Variants in MTHFD2L observed in about 807,000 individuals in gnomAD.
MTHFD2L encodes bifunctional methylenetetrahydrofolate dehydrogenase/cyclohydrolase 2, mitochondrial.
MTHFD2L carries 29 observed loss-of-function variants against 34.9 expected under a neutral mutation model. The ratio of observed to expected loss-of-function variants is 0.83; its 90% CI spans 0.62 to 1.13. The LOEUF (loss-of-function observed/expected upper bound fraction) is 1.13, where lower values mean the gene tolerates loss of function less well. MTHFD2L is among the 50% of genes most tolerant of loss of function. The probability of loss-of-function intolerance (pLI) is 0.00; values close to 1 mark genes in which losing one functional copy is unlikely to be tolerated. For missense variants in MTHFD2L, 481 were observed against 446.5 expected, an observed-to-expected ratio of 1.08 and a Z score of -0.70; for synonymous variants, 167 against 155.7, an observed-to-expected ratio of 1.07 and a Z score of -0.54.
chr4:74,176,892 C>G (rs1729155964), intron 3 of MTHFD2L, among the ~76,000 whole-genome samples: 1 of 151,850 alleles, frequency 6.6e-6, no homozygotes, highest in South Asian at 2.1e-4. Context: ...TATATGGGAT[C>G]TTTATGTGGT....
intron 6 of MTHFD2L, among the ~76,000 whole-genome samples, chr4:74,254,417 G>T (rs138234313): frequency 8.5e-5 from 13 of 152,234 alleles, no homozygotes; most frequent in Admixed American, 5.9e-4. Context: ...AAGAGAACCC[G>T]CATAAGATTT....
intron 1 of MTHFD2L, among the ~76,000 whole-genome samples, chr4:74,145,026 A>G (rs1723505517): frequency 6.6e-6 from 1 of 152,196 alleles, no homozygotes; most frequent in Non-Finnish European, 1.5e-5. Context: ...TAAGAAAGTC[A>G]AAACTTTAAA....
At chr4:74,287,331 A>T (rs959465486) in intron 7 of MTHFD2L, among the ~76,000 whole-genome samples, 2 of 152,154 alleles carry the variant, frequency 1.3e-5, no homozygotes, top group Admixed American at 6.5e-5. Context: ...ATGTATCATT[A>T]TTTGGTTCAT....
intron 6 of MTHFD2L, among the ~76,000 whole-genome samples, chr4:74,239,570 C>T (rs983550087): frequency 6.0e-5 from 9 of 151,086 alleles, no homozygotes; most frequent in African/African-American, 2.2e-4. Context: ...TTCATAATTG[C>T]TCATTTTAAA....
At chr4:74,202,885 T>G (rs1363077055) in intron 5 of MTHFD2L, among the ~76,000 whole-genome samples, 1 of 152,126 alleles carries the variant, frequency 6.6e-6, no homozygotes, top group Non-Finnish European at 1.5e-5. Context: ...CATGCACACA[T>G]GCATGCACAC....
chr4:74,148,452 G>A (rs1179226422), intron 1 of MTHFD2L, among the ~76,000 whole-genome samples: 1 of 150,748 alleles, frequency 6.6e-6, no homozygotes, highest in African/African-American at 2.4e-5. Flanking sequence ...CAGTGGCGTG[G>A]TTTCTGCTTA....
chr4:74,262,229 A>C (rs1277134629), intron 6 of MTHFD2L, among the ~76,000 whole-genome samples: 1 of 151,990 alleles, frequency 6.6e-6, no homozygotes, highest in East Asian at 1.9e-4. Context: ...CCATACATAC[A>C]AATATATTTC....
intron 5 of MTHFD2L, among the ~76,000 whole-genome samples, chr4:74,210,575 T>G (rs1238066881): frequency 6.6e-6 from 1 of 152,214 alleles, no homozygotes; most frequent in Admixed American, 6.5e-5. Flanking sequence ...ACCAGTACCA[T>G]GCTGTTTTTA....
chr4:74,201,251 CTG>C lies in MTHFD2L; in HGVS notation c.605-10_605-9del, dbSNP rs749906580. Reference sequence around the variant, plus strand: ...GTCAATTCTGCATTTAAACCGAACTCTGTATTTTAAGGAATTCAAACATTTGG... The same window carrying C: ...GTCAATTCTGCATTTAAACCGAACTCTATTTTAAGGAATTCAAACATTTGG... On this transcript the variant is annotated splice_polypyrimidine_tract_variant and intron_variant, in intron 4 of 7. Transcript: ENST00000325278. 5 of 1,605,466 alleles carry C rather than the reference CTG, an allele frequency of 3.1e-6. No homozygotes were observed. In the Admixed American group the frequency reaches 5.0e-5, roughly 16 times the overall value.
chr4:74,180,159 A>G (rs1450599555), intron 3 of MTHFD2L, among the ~76,000 whole-genome samples: 1 of 152,134 alleles, frequency 6.6e-6, no homozygotes, highest in Non-Finnish European at 1.5e-5. Flanking sequence ...ATGAAACTCA[A>G]CTGATAGGGT....
In MTHFD2L at chr4:74,186,438, GAAAA is replaced by G. The variant is rs59325238; in HGVS notation, c.451+11053_451+11056del. 7.4e-3 allele frequency among the ~76,000 whole-genome samples: 649 copies of G among 88,216 alleles called. 9 individuals carry two copies. Among genetic ancestry groups the G allele is most frequent in the African/African-American group, 0.028 (627 of 22,766 alleles). 57.9% of individuals were successfully genotyped at this position (88,216 alleles called of 152,430 possible). A position where few individuals can be genotyped will look rare whatever the true frequency, so the allele number is the denominator to read the frequency against. On this transcript the variant is annotated intron_variant, in intron 3 of 7. Coordinates refer to ENST00000325278, the MANE Select transcript of MTHFD2L (RefSeq NM_001144978.3). ...CCATGGAAAATTCAAGGGAATCCATGAAAAAAAAAAAAAAAAAAAAACAGCTACT... is the reference window on the plus strand; with the variant it reads ...CCATGGAAAATTCAAGGGAATCCATGAAAAAAAAAAAAAAAAACAGCTACT...
intron 3 of MTHFD2L, chr4:74,195,095 A>G (rs1303431329): frequency 6.6e-6 from 1 of 152,232 alleles, no homozygotes; most frequent in African/African-American, 2.4e-5. Flanking sequence ...AGGCAGATAG[A>G]AAGCTATAGC....
At chr4:74,228,302 C>T (rs1165118428) in intron 6 of MTHFD2L, among the ~76,000 whole-genome samples, 3 of 152,174 alleles carry the variant, frequency 2.0e-5, no homozygotes, top group Non-Finnish European at 4.4e-5. Flanking sequence ...CTTCTGTTCA[C>T]ACACAAGACA....
intron 7 of MTHFD2L, chr4:74,293,583 T>A (rs1214708154): frequency 3.2e-6 from 3 of 935,710 alleles, no homozygotes; most frequent in East Asian, 2.3e-4. Flanking sequence ...ATATAGTAAA[T>A]TCCCTCCGGA....
intron 1 of MTHFD2L, among the ~76,000 whole-genome samples, chr4:74,136,529 A>G (rs1185598881): frequency 6.6e-6 from 1 of 152,138 alleles, no homozygotes; most frequent in African/African-American, 2.4e-5. Flanking sequence ...AAGACTTAAT[A>G]TTGTTAATAT....
At chr4:74,289,917 T>C (rs1049638774) in intron 7 of MTHFD2L, among the ~76,000 whole-genome samples, 5 of 152,076 alleles carry the variant, frequency 3.3e-5, no homozygotes, top group African/African-American at 1.2e-4. Context: ...TTAGGGTAGA[T>C]AATGGGCAAA....
chr4:74,217,434 G>T (rs990784452), intron 5 of MTHFD2L, among the ~76,000 whole-genome samples: 1 of 151,832 alleles, frequency 6.6e-6, no homozygotes, highest in Non-Finnish European at 1.5e-5. Flanking sequence ...GTCTAAAAGA[G>T]ATCTCAGGCT....
At chr4:74,234,796 AGTGTGTGTGT>A (rs139133412) in intron 6 of MTHFD2L, among the ~76,000 whole-genome samples, 1 of 149,418 alleles carries the variant, frequency 6.7e-6, no homozygotes, top group Non-Finnish European at 1.5e-5. Context: ...AAAAGGAGAC[AGTGTGTGTGT>A]GTGTGTGTGT....
chr4:74,179,526 ATAT>A (rs1729693139), intron 3 of MTHFD2L, among the ~76,000 whole-genome samples: 2 of 152,064 alleles, frequency 1.3e-5, no homozygotes, highest in Admixed American at 1.3e-4. Context: ...CTAGCAGAAG[ATAT>A]TATTCAAATA....
Sources: allele counts gnomAD v4.1 joint callset (sites outside exome capture counted in the v4.1 genomes callset), GRCh38; gene constraint gnomAD v4.1.1; transcripts MANE v1.5; gene names NCBI Gene and HGNC (gene_info 2026-07-23, HGNC 2026-07-21).